SLC43A1: variants seen among roughly 807,000 people sequenced by gnomAD.
SLC43A1 encodes the protein solute carrier family 43 member 1.
A neutral mutation model predicts 59.5 loss-of-function variants in SLC43A1; 31 were observed. That is an observed-to-expected ratio of 0.52 (90% CI 0.39 to 0.70). SLC43A1 has a LOEUF of 0.70. Among genes scored for constraint, SLC43A1 ranks in the 30% least tolerant of loss-of-function variants. SLC43A1 has a pLI of 0.00. For synonymous variants in SLC43A1, 259 were observed against 290.9 expected (o/e 0.89, Z 1.12); for missense variants, 598 against 717.8 (o/e 0.83, Z 1.91).
rs182664032 is a variant in SLC43A1, at chr11:57,508,878, A to G, written c.154+5080T>C. On this transcript the variant is annotated intron_variant, in intron 2 of 14. Transcript: ENST00000278426. Reference sequence around the variant, plus strand: ...CCACCTGTAATCCCAGCACTTTGGGAGGTAGAGGCAGATGGATCACTTGAG... The same window carrying G: ...CCACCTGTAATCCCAGCACTTTGGGGGGTAGAGGCAGATGGATCACTTGAG... Among the ~76,000 whole-genome samples the G allele has an allele frequency of 9.2e-5, 14 of 152,326 alleles. No homozygotes were observed. In the East Asian group the frequency reaches 2.7e-3, roughly 29 times the overall value.
At chr11:57,499,774 G>T (rs998390200) in intron 5 of SLC43A1, 6 of 152,626 alleles carry the variant, frequency 3.9e-5, no homozygotes, top group African/African-American at 1.4e-4. Context: ...CAGGAGGCGG[G>T]GACATAGCAG....
chr11:57,484,909 G>A lies in SLC43A1; in HGVS notation c.*187C>T. On this transcript the variant is annotated 3_prime_UTR_variant, in exon 15 of 15. Transcript: ENST00000278426. ...TTCAGTCAATGGAGCGTTGACTTAGGGGGCGTTTTTGAAGGTTTTTTTTCC... is the reference window on the plus strand; with the variant it reads ...TTCAGTCAATGGAGCGTTGACTTAGAGGGCGTTTTTGAAGGTTTTTTTTCC... 1.6e-6 allele frequency: 1 copy of A among 621,562 alleles called. No individual in the cohort carries two copies. The highest frequency in any genetic ancestry group is 2.3e-5 in the South Asian group (1 of 42,882). The allele number at this position is 621,562 out of a possible 1,614,324, so 38.5% of individuals were successfully genotyped here.
At position 57,496,159 on chromosome 11, in the gene SLC43A1, G is replaced by T. The variant is rs745488678; in HGVS notation, c.564C>A (p.Ile188=). The change falls in exon 7 of 15, where the codon ATC becomes ATA. Residue 188 remains isoleucine, a synonymous_variant. Coordinates refer to ENST00000278426, the MANE Select transcript of SLC43A1 (RefSeq NM_003627.6). ...SAITFPGIKL[I]YDAGVAFVVI... ...CCACGAAGGCCACACCGGCATCGTA[G>T]ATCAGCTGTGAGAGGAGGGGGCAGG... The T allele has an allele frequency of 1.9e-6, 3 of 1,614,046 alleles. No individual in the cohort carries two copies. In the East Asian group the frequency reaches 6.7e-5, roughly 36 times the overall value.
chr11:57,512,358 G>A (rs1428703541), intron 2 of SLC43A1, among the ~76,000 whole-genome samples: 3 of 152,076 alleles, frequency 2.0e-5, no homozygotes, highest in African/African-American at 4.8e-5. Flanking sequence ...GCGGGAGGCC[G>A]AGCCGGGTGG....
At chr11:57,504,848 G>T (rs1312476762) in intron 2 of SLC43A1, among the ~76,000 whole-genome samples, 1 of 152,080 alleles carries the variant, frequency 6.6e-6, no homozygotes, top group African/African-American at 2.4e-5. Flanking sequence ...CTGTTTTATC[G>T]ATCAGCCTTT....
chr11:57,491,563 A>C (rs1943903234), intron 10 of SLC43A1, 28 bp downstream of exon 10: 2 of 1,613,690 alleles, frequency 1.2e-6, no homozygotes, highest in Non-Finnish European at 8.5e-7. Context: ...GGTGGGCGTG[A>C]GCCAGGGCCC....
intron 2 of SLC43A1, among the ~76,000 whole-genome samples, chr11:57,508,796 G>A (rs1944454857): frequency 6.6e-6 from 1 of 151,706 alleles, no homozygotes. Flanking sequence ...TCTCAAAAAT[G>A]AAACAAAACA....
chr11:57,500,043 C>T (rs1488366753), intron 5 of SLC43A1, among the ~76,000 whole-genome samples: 2 of 152,072 alleles, frequency 1.3e-5, no homozygotes, highest in Non-Finnish European at 2.9e-5. Context: ...ATAAACAGTC[C>T]GAGCCAGCCC....
Position 57,514,210 on chromosome 11 carries a change from G to A in SLC43A1, c.-13-86C>T, listed in dbSNP as rs1403659996. Reference sequence around the variant, plus strand: ...ATCATGGTGGCACCCGAGACCTCTCGGGCCAGCCCGCGAGGAGCCCCTCAT... The same window carrying A: ...ATCATGGTGGCACCCGAGACCTCTCAGGCCAGCCCGCGAGGAGCCCCTCAT... On this transcript the variant is annotated intron_variant, in intron 1 of 14. Coordinates refer to ENST00000278426, the MANE Select transcript of SLC43A1 (RefSeq NM_003627.6). This position sits in a 1 kb window ranked among gnomAD's most constrained non-coding sequence, Gnocchi z 5.5. The A allele has an allele frequency of 3.5e-6, 5 of 1,427,062 alleles. No individual in the cohort carries two copies. Among genetic ancestry groups the A allele is most frequent in the Non-Finnish European group, 4.6e-6 (5 of 1,088,620 alleles). The allele number at this position is 1,427,062 out of a possible 1,614,324, so 88.4% of individuals were successfully genotyped here. A position where few individuals can be genotyped will look rare whatever the true frequency, so the allele number is the denominator to read the frequency against.
intron 13 of SLC43A1, 30 bp from the exon 14 acceptor site, chr11:57,487,248 G>T (rs1943765892): frequency 1.9e-6 from 3 of 1,604,654 alleles, no homozygotes; most frequent in South Asian, 2.2e-5. Context: ...TATCAGGGGT[G>T]TGTGGCCCTC....
At chr11:57,486,558 G>A (rs1196959966) in intron 14 of SLC43A1, among the ~76,000 whole-genome samples, 1 of 150,792 alleles carries the variant, frequency 6.6e-6, no homozygotes. Context: ...CCAGCACTTT[G>A]GGAGGCTGAG....
Position 57,501,313 on chromosome 11 carries a change from G to A in SLC43A1, c.171C>T (p.Asn57=). Residue 57 remains asparagine (N), a synonymous_variant, in exon 3 of 15, where the codon AAC becomes AAT. Transcript: ENST00000278426. ...SSTCPAESST[N]TTQDEQRRWP... is the part of the protein sequence containing the mutation. The stretch of plus-strand genomic sequence containing the variant: ...ACCTGCGCTGCTCATCCTGGGTGGT[G>A]TTGGTGCTGCTCTCAGCTGAGGAGG... The A allele has an allele frequency of 6.2e-7, 1 of 1,610,172 alleles. No individual in the cohort carries two copies. Among genetic ancestry groups the A allele is most frequent in the South Asian group, 1.1e-5 (1 of 91,082 alleles).
rs1220146129 is a variant in SLC43A1, at chr11:57,496,013, C to T, written c.692+18G>A. ...CTCTCTGCCCCAGGGAGAGTCTCTG[C>T]CCACTCCAGCCACTCACGTGTAATT... On this transcript the variant is annotated intron_variant, in intron 7 of 14. Coordinates refer to ENST00000278426, the MANE Select transcript of SLC43A1 (RefSeq NM_003627.6). The T allele has an allele frequency of 6.2e-7, 1 of 1,612,932 alleles. No individual in the cohort carries two copies. The highest frequency in any genetic ancestry group is 1.1e-5 in the South Asian group (1 of 90,904).
chr11:57,504,767 T>G (rs908222939), intron 2 of SLC43A1, among the ~76,000 whole-genome samples: 6 of 152,234 alleles, frequency 3.9e-5, no homozygotes, highest in Admixed American at 1.3e-4. Context: ...AAAGGACATG[T>G]GCTCTTCCAC....
chr11:57,513,096 C>A (rs1944595094), intron 2 of SLC43A1, among the ~76,000 whole-genome samples: 1 of 152,208 alleles, frequency 6.6e-6, no homozygotes, highest in South Asian at 2.1e-4. Flanking sequence ...GAAGACCAGG[C>A]AACTGAAGCT....
At position 57,514,178 on chromosome 11, in the gene SLC43A1, G is replaced by T; in HGVS notation, c.-13-54C>A. The stretch of plus-strand genomic sequence containing the variant: ...GGCCCCCCAGTGGCCCCAGGGAAGG[G>T]TCCTGCATCATGGTGGCACCCGAGA... On this transcript the variant is annotated intron_variant, in intron 1 of 14. Transcript: ENST00000278426. The surrounding 1 kb of genome is among the most constrained non-coding windows in gnomAD (Gnocchi z 5.5). 1 of 1,493,508 alleles carries T rather than the reference G, an allele frequency of 6.7e-7. No individual in the cohort carries two copies. Among genetic ancestry groups the T allele is most frequent in the Non-Finnish European group, 8.8e-7 (1 of 1,129,956 alleles). 92.5% of individuals were successfully genotyped at this position (1,493,508 alleles called of 1,614,324 possible). A position where few individuals can be genotyped will look rare whatever the true frequency, so the allele number is the denominator to read the frequency against.
At chr11:57,492,846 C>G (rs1006706906) in intron 8 of SLC43A1, among the ~76,000 whole-genome samples, 2 of 151,004 alleles carry the variant, frequency 1.3e-5, no homozygotes, top group East Asian at 3.9e-4. Context: ...TCGAGACCAG[C>G]CTGGCCAACA....
At chr11:57,493,960 C>G in intron 8 of SLC43A1, 33 bp downstream of exon 8, 1 of 1,544,966 alleles carries the variant, frequency 6.5e-7, no homozygotes. Context: ...CCATCACTAT[C>G]CCCCAAGGCC....
At position 57,492,633 on chromosome 11, in the gene SLC43A1, G is replaced by A. The variant is rs561661270; in HGVS notation, c.872-771C>T. Among the ~76,000 whole-genome samples, 11 of 143,126 alleles carry A rather than the reference G, an allele frequency of 7.7e-5. No homozygotes were observed. In the South Asian group the frequency reaches 1.3e-3, roughly 17 times the overall value. The allele number at this position is 143,126 out of a possible 152,430, so 93.9% of individuals were successfully genotyped here. A position where few individuals can be genotyped will look rare whatever the true frequency, so the allele number is the denominator to read the frequency against. ...TATTCCCAGCTACTCAGGAGGCTGA[G>A]GCAGGAGGATCACTTGAGCCCAGGA... is the stretch of plus-strand genomic sequence containing the variant. On this transcript the variant is annotated intron_variant, in intron 8 of 14. Transcript: ENST00000278426.
Sources: gnomAD v4.1 joint callset for allele counts (sites outside exome capture counted in the v4.1 genomes callset) on GRCh38, gnomAD v4.1.1 for gene constraint, Gnocchi (gnomAD v3.1) non-coding constraint, MANE v1.5 for transcripts, NCBI Gene and HGNC (gene_info 2026-07-23, HGNC 2026-07-21) for gene names.